Variants in GPAT4 observed in about 807,000 individuals in gnomAD.
The protein encoded by GPAT4 is 1-AGP acyltransferase 6.
A neutral mutation model predicts 58.0 loss-of-function variants in GPAT4; 17 were observed. The ratio of observed to expected loss-of-function variants is 0.29; its 90% CI spans 0.20 to 0.44. The LOEUF is 0.44. Ranked by LOEUF, GPAT4 falls within the 20% of genes least tolerant of loss-of-function variation. GPAT4 has a pLI of 1.00. For missense variants in GPAT4, 377 were observed against 574.5 expected (o/e 0.66, Z 3.51); for synonymous variants, 204 against 210.1 (o/e 0.97, Z 0.25).
Position 41,612,281 on chromosome 8 carries a change from C to T in GPAT4, c.795+8C>T, listed in dbSNP as rs766495308. The T allele has an allele frequency of 2.5e-6, 4 of 1,614,068 alleles. No homozygotes were observed. The South Asian group carries it at 4.4e-5, about 18-fold the overall frequency. On this transcript the variant is annotated splice_region_variant and intron_variant, in intron 7 of 12. Transcript: ENST00000396987. ...GATGGCTATTATGCCATGGTAAGAGCTCTTTCCGGTGCGTTCTTGAGGCAA... is the reference window on the plus strand; with the variant it reads ...GATGGCTATTATGCCATGGTAAGAGTTCTTTCCGGTGCGTTCTTGAGGCAA...
chr8:41,614,049 T>G (rs1032175148), intron 8 of GPAT4, among the ~76,000 whole-genome samples: 1 of 152,254 alleles, frequency 6.6e-6, no homozygotes, highest in African/African-American at 2.4e-5. Context: ...TCACAACTGT[T>G]ACATAGTCTA....
intron 2 of GPAT4, among the ~76,000 whole-genome samples, chr8:41,603,525 CAAA>C (rs35302781): frequency 1.6e-4 from 14 of 85,274 alleles, no homozygotes; most frequent in African/African-American, 2.1e-4. Context: ...GACTCCGTCT[CAAA>C]AAAAAAAAAA....
At chr8:41,582,251 A>G (rs757666314) in intron 1 of GPAT4, among the ~76,000 whole-genome samples, 2 of 146,120 alleles carry the variant, frequency 1.4e-5, no homozygotes, top group African/African-American at 2.5e-5. Flanking sequence ...TGATCCACCC[A>G]CCTCAGCCTC....
At chr8:41,618,130 C>T (rs1057263042) in intron 10 of GPAT4, among the ~76,000 whole-genome samples, 1 of 152,322 alleles carries the variant, frequency 6.6e-6, no homozygotes, top group East Asian at 1.9e-4. Flanking sequence ...AGACGACTGA[C>T]TTTGTTGGAA....
intron 10 of GPAT4, among the ~76,000 whole-genome samples, chr8:41,618,134 G>T (rs1300108285): frequency 1.3e-5 from 2 of 152,248 alleles, no homozygotes; most frequent in Non-Finnish European, 2.9e-5. Context: ...GACTGACTTT[G>T]TTGGAAGTGT....
At chr8:41,616,660 C>T (rs1424733628) in intron 10 of GPAT4, among the ~76,000 whole-genome samples, 1 of 152,102 alleles carries the variant, frequency 6.6e-6, no homozygotes, top group Non-Finnish European at 1.5e-5. Flanking sequence ...CACACTGTGG[C>T]GGCCACAGTT....
At chr8:41,604,127 G>A (rs537616090) in intron 2 of GPAT4, among the ~76,000 whole-genome samples, 73 of 141,070 alleles carry the variant, frequency 5.2e-4, no homozygotes, top group Non-Finnish European at 9.4e-4. Context: ...ACTTGTTGTT[G>A]TGTGTCTACA....
rs1018822260 is a variant in GPAT4, at chr8:41,624,020, A to G, written c.*3019A>G. On this transcript the variant is annotated 3_prime_UTR_variant, in exon 13 of 13. Coordinates refer to ENST00000396987, the MANE Select transcript of GPAT4 (RefSeq NM_178819.4). ...ACCCAGCTAATTTTTTGTATTTAGTAGAGACTGGGTTTCACCATGTTGGTC... is the reference window on the plus strand; with the variant it reads ...ACCCAGCTAATTTTTTGTATTTAGTGGAGACTGGGTTTCACCATGTTGGTC... 1 of 152,364 alleles carries G rather than the reference A, an allele frequency of 6.6e-6. No homozygotes were observed. The highest frequency in any genetic ancestry group is 1.9e-4 in the East Asian group (1 of 5,184). The allele number at this position is 152,364 out of a possible 1,614,324, so 9.4% of individuals were successfully genotyped here. A position where few individuals can be genotyped will look rare whatever the true frequency, so the allele number is the denominator to read the frequency against.
chr8:41,618,037 A>C (rs1803644270), intron 10 of GPAT4, among the ~76,000 whole-genome samples: 1 of 152,200 alleles, frequency 6.6e-6, no homozygotes, highest in African/African-American at 2.4e-5. Flanking sequence ...AAAGGATCTG[A>C]TACCTGCTTC....
At chr8:41,609,049 C>A (rs117947905) in intron 2 of GPAT4, among the ~76,000 whole-genome samples, 3 of 152,174 alleles carry the variant, frequency 2.0e-5, no homozygotes, top group Admixed American at 6.5e-5. Context: ...TACCTGGCTT[C>A]GCTGTTTTGA....
intron 2 of GPAT4, among the ~76,000 whole-genome samples, chr8:41,599,690 A>T (rs1422041006): frequency 6.6e-6 from 1 of 152,218 alleles, no homozygotes; most frequent in East Asian, 1.9e-4. Flanking sequence ...CATTTATTCT[A>T]AGTAGGTCCT....
At chr8:41,607,008 C>A (rs183312832) in intron 2 of GPAT4, among the ~76,000 whole-genome samples, 77 of 152,324 alleles carry the variant, frequency 5.1e-4, no homozygotes, top group African/African-American at 1.8e-3. Context: ...CATTTCCAGT[C>A]CTTCTGAACA....
chr8:41,601,566 A>T (rs1406518965), intron 2 of GPAT4, among the ~76,000 whole-genome samples: 1 of 152,194 alleles, frequency 6.6e-6, no homozygotes, highest in Non-Finnish European at 1.5e-5. Context: ...TTTCATTTAC[A>T]TTTGTAAGCA....
chr8:41,601,755 CTTTAAAG>C (rs1195250016), intron 2 of GPAT4, among the ~76,000 whole-genome samples: 2 of 152,212 alleles, frequency 1.3e-5, no homozygotes, highest in East Asian at 1.9e-4. Context: ...AAAATTAATA[CTTTAAAG>C]TTTATAGCCA....
At chr8:41,603,591 G>T (rs934429634) in intron 2 of GPAT4, among the ~76,000 whole-genome samples, 1 of 151,426 alleles carries the variant, frequency 6.6e-6, no homozygotes, top group African/African-American at 2.4e-5. Context: ...CTGGGTAGGC[G>T]TTTTTTTAAA....
chr8:41,583,051 C>T (rs1289439365), intron 1 of GPAT4, among the ~76,000 whole-genome samples: 1 of 151,942 alleles, frequency 6.6e-6, no homozygotes, highest in Non-Finnish European at 1.5e-5. Context: ...GATGAAACCC[C>T]TTCTCCACTA....
intron 8 of GPAT4, among the ~76,000 whole-genome samples, chr8:41,614,170 G>A (rs2150504542): frequency 6.6e-6 from 1 of 152,298 alleles, no homozygotes; most frequent in South Asian, 2.1e-4. Flanking sequence ...GCACAGAATT[G>A]AACAGTTCTG....
At chr8:41,579,276 G>C (rs1251240950) in intron 1 of GPAT4, among the ~76,000 whole-genome samples, 3 of 152,174 alleles carry the variant, frequency 2.0e-5, no homozygotes, top group African/African-American at 7.2e-5. Flanking sequence ...GCATGTACTT[G>C]TTCTGGCCTC....
intron 10 of GPAT4, among the ~76,000 whole-genome samples, chr8:41,616,925 G>T (rs1803611008): frequency 6.6e-6 from 1 of 152,120 alleles, no homozygotes; most frequent in Non-Finnish European, 1.5e-5. Context: ...GACCTGATGT[G>T]AGGAGTGTGT....
Sources: gnomAD v4.1 joint callset for allele counts (sites outside exome capture counted in the v4.1 genomes callset) on GRCh38, gnomAD v4.1.1 for gene constraint, MANE v1.5 for transcripts, NCBI Gene and HGNC (gene_info 2026-07-23, HGNC 2026-07-21) for gene names.